Variants in WDR72 observed in about 807,000 individuals in gnomAD.
The protein encoded by WDR72 is WD repeat-containing protein 72.
WDR72 carries 120 observed loss-of-function variants against 124.2 expected under a neutral mutation model. That is an observed-to-expected ratio of 0.97 (90% CI 0.83 to 1.12). The LOEUF (loss-of-function observed/expected upper bound fraction) is 1.12, where lower values mean the gene tolerates loss of function less well. Ranked by LOEUF, WDR72 falls within the 50% of genes most tolerant of loss-of-function variation. WDR72 has a pLI of 0.00. For missense variants in WDR72, 1,387 were observed against 1,278.8 expected, an observed-to-expected ratio of 1.08 and a Z score of -1.29; for synonymous variants, 452 against 441.7, an observed-to-expected ratio of 1.02 and a Z score of -0.29.
intron 18 of WDR72, among the ~76,000 whole-genome samples, chr15:53,523,887 C>T (rs1047435733): frequency 8.6e-5 from 13 of 151,986 alleles, no homozygotes; most frequent in African/African-American, 3.1e-4. Context: ...ATAAGAAGGG[C>T]TATTGTTTCA....
At chr15:53,581,092 T>A (rs2011897172) in intron 18 of WDR72, among the ~76,000 whole-genome samples, 1 of 152,096 alleles carries the variant, frequency 6.6e-6, no homozygotes. Context: ...CAACAGTTTT[T>A]GTGCAGATTC....
chr15:53,560,566 G>A (rs1223857239), intron 18 of WDR72, among the ~76,000 whole-genome samples: 1 of 151,698 alleles, frequency 6.6e-6, no homozygotes, highest in African/African-American at 2.4e-5. Context: ...GATACACCAG[G>A]TTATTTTTTT....
chr15:53,588,525 T>C (rs77438747), intron 18 of WDR72, among the ~76,000 whole-genome samples: 2,670 of 152,014 alleles, frequency 0.018, 69 homozygotes, highest in East Asian at 0.13. Flanking sequence ...GGCAGATAAA[T>C]TGAAGAGTTA....
intron 3 of WDR72, among the ~76,000 whole-genome samples, chr15:53,720,344 C>T (rs1029846895): frequency 3.3e-5 from 5 of 152,062 alleles, no homozygotes; most frequent in African/African-American, 1.2e-4. Flanking sequence ...ACCAGAATCG[C>T]GTGTGTGTGA....
At chr15:53,640,515 TC>T (rs1279460213) in intron 14 of WDR72, among the ~76,000 whole-genome samples, 2 of 152,206 alleles carry the variant, frequency 1.3e-5, no homozygotes, top group African/African-American at 4.8e-5. Context: ...ATTTTTCCAT[TC>T]TTTTTCTAAA....
chr15:53,519,194 G>A (rs1002720404), intron 19 of WDR72, among the ~76,000 whole-genome samples: 3 of 152,066 alleles, frequency 2.0e-5, no homozygotes, highest in African/African-American at 7.2e-5. Flanking sequence ...CATCGAATGA[G>A]TTTAAAGATG....
chr15:53,718,846 T>G (rs1245505090), intron 3 of WDR72, among the ~76,000 whole-genome samples: 1 of 151,852 alleles, frequency 6.6e-6, no homozygotes, highest in Non-Finnish European at 1.5e-5. Flanking sequence ...TCTTAAGAAT[T>G]TTTAAAAGCT....
intron 14 of WDR72, 104 bp downstream of exon 14, chr15:53,665,468 C>A: frequency 7.6e-7 from 1 of 1,312,464 alleles, no homozygotes; most frequent in Non-Finnish European, 1.1e-6. Context: ...TCTCTTAGTT[C>A]TTGTTTTCAT....
chr15:53,643,136 A>G (rs1567000238), intron 14 of WDR72, among the ~76,000 whole-genome samples: 1 of 152,128 alleles, frequency 6.6e-6, no homozygotes, highest in East Asian at 1.9e-4. Flanking sequence ...TGATAAATTA[A>G]TATGTATCCA....
At chr15:53,623,655 C>T (rs1173119496) in intron 14 of WDR72, among the ~76,000 whole-genome samples, 1 of 151,572 alleles carries the variant, frequency 6.6e-6, no homozygotes, top group African/African-American at 2.4e-5. Context: ...ACTTTATTTT[C>T]TTTCCCAGTA....
intron 14 of WDR72, among the ~76,000 whole-genome samples, chr15:53,661,304 T>C (rs1217563302): frequency 6.6e-6 from 1 of 152,196 alleles, no homozygotes; most frequent in Non-Finnish European, 1.5e-5. Flanking sequence ...AAGGCCTCAG[T>C]CTTCTTCCAC....
Position 53,712,452 on chromosome 15 carries a change from C to T in WDR72, c.711+320G>A, listed in dbSNP as rs369787240. ...CTCTCCTAAAAATACAAAACTTAGC[C>T]GGGCATGGTGGCATGCGCCTATAAT... is the stretch of plus-strand genomic sequence containing the variant. On this transcript the variant is annotated intron_variant, in intron 7 of 19. Coordinates refer to ENST00000360509, the MANE Select transcript of WDR72 (RefSeq NM_182758.4). Among the ~76,000 whole-genome samples the T allele has an allele frequency of 1.2e-4, 18 of 152,030 alleles. No homozygotes were observed. In the East Asian group the frequency reaches 2.3e-3, roughly 20 times the overall value.
chr15:53,722,692 G>A, intron 3 of WDR72, 110 bp downstream of exon 3: 1 of 897,358 alleles, frequency 1.1e-6, no homozygotes, highest in East Asian at 2.5e-5. Context: ...ATATGTGAGA[G>A]GCACATGTTG....
At chr15:53,693,463 T>C (rs149087877) in intron 13 of WDR72, among the ~76,000 whole-genome samples, 239 of 152,330 alleles carry the variant, frequency 1.6e-3, no homozygotes, top group Middle Eastern at 6.8e-3. Flanking sequence ...ACGACAAGAT[T>C]AAACACTGAA....
At chr15:53,579,705 G>T (rs186868752) in intron 18 of WDR72, among the ~76,000 whole-genome samples, 1 of 152,202 alleles carries the variant, frequency 6.6e-6, no homozygotes, top group African/African-American at 2.4e-5. Context: ...AAAGGGCTCA[G>T]ACTCAATGAC....
In WDR72 at chr15:53,715,228, T is replaced by C. The variant is rs1174326373; in HGVS notation, c.479A>G (p.Asn160Ser). 1 of 1,614,168 alleles carries C rather than the reference T, an allele frequency of 6.2e-7. No homozygotes were observed. Residue 160 changes from asparagine to serine, a missense_variant, in exon 5 of 20, where the codon AAC becomes AGC. Transcript: ENST00000360509. ...CATGGAGTGAACAATGCACATGCAG[T>C]TGATCCAGTCAGGAAACTGAGATGA... ...FRSSQFPDWI[N>S]CMCIVHSMRI...
chr15:53,575,731 G>T (rs887156499), intron 18 of WDR72, among the ~76,000 whole-genome samples: 1 of 152,106 alleles, frequency 6.6e-6, no homozygotes, highest in African/African-American at 2.4e-5. Context: ...CCTAGATTTG[G>T]AGAATGGTAA....
At chr15:53,551,986 G>A (rs978160446) in intron 18 of WDR72, among the ~76,000 whole-genome samples, 7 of 152,072 alleles carry the variant, frequency 4.6e-5, no homozygotes, top group South Asian at 4.1e-4. Context: ...GGGAAAGGGA[G>A]GAATTGAAGT....
intron 14 of WDR72, among the ~76,000 whole-genome samples, chr15:53,624,184 G>A (rs2014117349): frequency 6.6e-6 from 1 of 152,208 alleles, no homozygotes; most frequent in Non-Finnish European, 1.5e-5. Context: ...CAGAATGGCT[G>A]AAAGGTAGAA....
Sources: gnomAD v4.1 joint callset for allele counts (sites outside exome capture counted in the v4.1 genomes callset) on GRCh38, gnomAD v4.1.1 for gene constraint, MANE v1.5 for transcripts, NCBI Gene and HGNC (gene_info 2026-07-23, HGNC 2026-07-21) for gene names.